Variants in CACNA2D2 observed in about 807,000 individuals in gnomAD.
CACNA2D2 encodes the protein calcium voltage-gated channel auxiliary subunit alpha2delta 2, also known as voltage-dependent calcium channel subunit alpha-2/delta-2.
In CACNA2D2, 48 loss-of-function variants were observed where a neutral mutation model predicts 166.4. The ratio of observed to expected loss-of-function variants is 0.29; its 90% CI spans 0.23 to 0.37. The LOEUF (loss-of-function observed/expected upper bound fraction) is 0.37. Among genes scored for constraint, CACNA2D2 ranks in the 10% least tolerant of loss-of-function variants. The pLI, the probability that CACNA2D2 is intolerant of heterozygous loss-of-function variation, is 1.00. For missense variants in CACNA2D2, 1,122 were observed against 1,433.0 expected, an observed-to-expected ratio of 0.78 and a Z score of 3.50; for synonymous variants, 561 against 573.7, an observed-to-expected ratio of 0.98 and a Z score of 0.32.
chr3:50,370,729 C>T (rs1484370456), intron 22 of CACNA2D2, among the ~76,000 whole-genome samples: 4 of 152,054 alleles, frequency 2.6e-5, no homozygotes, highest in African/African-American at 4.8e-5. Context: ...TATATATACA[C>T]ACACTGCTAT....
intron 3 of CACNA2D2, among the ~76,000 whole-genome samples, chr3:50,430,033 G>A (rs1389318836): frequency 2.6e-5 from 4 of 152,230 alleles, no homozygotes. Context: ...CATGTTAGGA[G>A]GGGTGCTGGG....
At chr3:50,447,238 C>T (rs760594633) in intron 2 of CACNA2D2, among the ~76,000 whole-genome samples, 5 of 152,162 alleles carry the variant, frequency 3.3e-5, no homozygotes, top group African/African-American at 7.2e-5. Context: ...ACTGTAAGGT[C>T]GTCTGGAGGC....
At chr3:50,371,737 C>T (rs909334643) in intron 22 of CACNA2D2, among the ~76,000 whole-genome samples, 1 of 151,026 alleles carries the variant, frequency 6.6e-6, no homozygotes, top group Admixed American at 6.6e-5. Context: ...GGTTTGGACA[C>T]AAGCCGATGG....
At chr3:50,451,418 G>A (rs959762998) in intron 2 of CACNA2D2, among the ~76,000 whole-genome samples, 1 of 151,634 alleles carries the variant, frequency 6.6e-6, no homozygotes, top group African/African-American at 2.4e-5. Context: ...GAGTCAACAC[G>A]CACGGCCCAG....
At chr3:50,443,191 G>A (rs1030464998) in intron 2 of CACNA2D2, among the ~76,000 whole-genome samples, 6 of 152,196 alleles carry the variant, frequency 3.9e-5, no homozygotes, top group East Asian at 1.9e-4. Context: ...CGCCGGGTGC[G>A]GCCGGCTGGT....
At chr3:50,458,146 G>T (rs1157757096) in intron 2 of CACNA2D2, among the ~76,000 whole-genome samples, 1 of 152,248 alleles carries the variant, frequency 6.6e-6, no homozygotes, top group Non-Finnish European at 1.5e-5. Context: ...GGCAGAACTT[G>T]CTTTATCAGC....
chr3:50,501,920 G>A (rs982074436), intron 1 of CACNA2D2, among the ~76,000 whole-genome samples: 1 of 151,992 alleles, frequency 6.6e-6, no homozygotes, highest in Non-Finnish European at 1.5e-5. Flanking sequence ...GGTTGACAGA[G>A]GACACGTCCG....
At chr3:50,395,568 C>A (rs1001332923) in intron 3 of CACNA2D2, among the ~76,000 whole-genome samples, 1 of 152,254 alleles carries the variant, frequency 6.6e-6, no homozygotes, top group Admixed American at 6.5e-5. Context: ...ACCTCACCCC[C>A]ATCCTTGAGT....
chr3:50,373,061 T>C, intron 22 of CACNA2D2: 2 of 1,534,772 alleles, frequency 1.3e-6, no homozygotes, highest in Non-Finnish European at 1.7e-6. Flanking sequence ...CTGAATATAC[T>C]TGCCCTTCAG....
At chr3:50,440,003 G>T (rs1430478867) in intron 2 of CACNA2D2, among the ~76,000 whole-genome samples, 1 of 152,234 alleles carries the variant, frequency 6.6e-6, no homozygotes, top group African/African-American at 2.4e-5. Context: ...CCACCTTGAA[G>T]ACTGGAGAGT....
intron 2 of CACNA2D2, among the ~76,000 whole-genome samples, chr3:50,466,308 C>A (rs1024099529): frequency 1.3e-5 from 2 of 151,964 alleles, no homozygotes; most frequent in African/African-American, 4.8e-5. Flanking sequence ...TCCTCACCCA[C>A]AATTGAGATT....
chr3:50,479,698 A>C lies in CACNA2D2; in HGVS notation c.207-3499T>G, dbSNP rs373184404. ...GCAGAAGGGAGGGGGCCTTGGAAAG[A>C]CAACGGATGCATGGGAATGTCCCTG... On this transcript the variant is annotated intron_variant, in intron 1 of 37. Coordinates refer to ENST00000424201, the MANE Select transcript of CACNA2D2 (RefSeq NM_006030.4). 1.5e-3 allele frequency among the ~76,000 whole-genome samples: 223 copies of C among 149,360 alleles called. 2 individuals carry two copies. Among genetic ancestry groups the C allele is most frequent in the African/African-American group, 5.4e-3 (209 of 38,664 alleles).
At position 50,376,103 on chromosome 3, in the gene CACNA2D2, G is replaced by A. The variant is rs199734682; in HGVS notation, c.1701+11C>T. The A allele has an allele frequency of 1.4e-4, 225 of 1,613,382 alleles. No individual in the cohort carries two copies. In the African/African-American group the frequency reaches 2.5e-3, roughly 18 times the overall value. The stretch of plus-strand genomic sequence containing the variant: ...GGTTTGCCCACCCTCCAGGCCACCC[G>A]TCTGGCTCACCTGGGGCTTGAGATT... On this transcript the variant is annotated intron_variant, in intron 18 of 37. Transcript: ENST00000424201. The surrounding 1 kb of genome is among the most constrained non-coding windows in gnomAD (Gnocchi z 4.3).
chr3:50,493,955 T>A (rs146477906), intron 1 of CACNA2D2, among the ~76,000 whole-genome samples: 5 of 152,180 alleles, frequency 3.3e-5, no homozygotes, highest in African/African-American at 7.2e-5. Context: ...GTGTCCCAGA[T>A]AGTCCCAGGG....
At chr3:50,412,461 T>C (rs1422117757) in intron 3 of CACNA2D2, among the ~76,000 whole-genome samples, 1 of 152,242 alleles carries the variant, frequency 6.6e-6, no homozygotes, top group Non-Finnish European at 1.5e-5. Context: ...TTTCACCAGA[T>C]CGAAATCCCC....
chr3:50,417,966 T>C (rs1707343442), intron 3 of CACNA2D2, among the ~76,000 whole-genome samples: 1 of 152,048 alleles, frequency 6.6e-6, no homozygotes, highest in Non-Finnish European at 1.5e-5. Context: ...AGCACCAACA[T>C]GTGCTACAGT....
chr3:50,480,665 T>A (rs1698006956), intron 1 of CACNA2D2, among the ~76,000 whole-genome samples: 1 of 150,056 alleles, frequency 6.7e-6, no homozygotes, highest in African/African-American at 2.5e-5. Context: ...CATCTGTGCG[T>A]GGGGTGAGAA....
chr3:50,382,392 T>C (rs1343515766), intron 6 of CACNA2D2, among the ~76,000 whole-genome samples: 2 of 152,102 alleles, frequency 1.3e-5, no homozygotes, highest in Non-Finnish European at 2.9e-5. Flanking sequence ...TGATTTACAG[T>C]TCTCTAGCCT....
chr3:50,371,622 C>T (rs956440336), intron 22 of CACNA2D2, among the ~76,000 whole-genome samples: 1 of 152,118 alleles, frequency 6.6e-6, no homozygotes, highest in African/African-American at 2.4e-5. Context: ...ACCAAATACT[C>T]CCACAATGCA....
Sources: allele counts gnomAD v4.1 joint callset (sites outside exome capture counted in the v4.1 genomes callset), GRCh38; gene constraint gnomAD v4.1.1; non-coding constraint Gnocchi (gnomAD v3.1); transcripts MANE v1.5; gene names NCBI Gene and HGNC (gene_info 2026-07-23, HGNC 2026-07-21).